Variants in KLHL1 observed in about 807,000 individuals in gnomAD.
The protein encoded by KLHL1 is kelch-like protein 1.
Under a neutral mutation model 77.7 loss-of-function variants are expected in KLHL1, and 47 were observed. The observed-to-expected ratio is 0.60, with a 90% CI of 0.48 to 0.77. KLHL1 has a LOEUF of 0.77. KLHL1 is among the 30% of genes least tolerant of loss of function. KLHL1 has a pLI of 0.00. For missense variants in KLHL1, 925 were observed against 910.8 expected (o/e 1.02, Z -0.20); for synonymous variants, 360 against 325.2 (o/e 1.11, Z -1.15).
intron 5 of KLHL1, among the ~76,000 whole-genome samples, chr13:69,862,197 T>A (rs898996987): frequency 2.0e-5 from 3 of 151,854 alleles, no homozygotes; most frequent in Admixed American, 2.0e-4. Context: ...ACATATATTA[T>A]AATTAGAAGA....
chr13:69,809,842 T>C (rs1448735694), intron 6 of KLHL1, among the ~76,000 whole-genome samples: 1 of 148,614 alleles, frequency 6.7e-6, no homozygotes, highest in Admixed American at 6.7e-5. Context: ...AGGTTCAAAG[T>C]AAAGAGATAA....
At chr13:69,817,577 A>T (rs1015834692) in intron 6 of KLHL1, among the ~76,000 whole-genome samples, 1 of 152,182 alleles carries the variant, frequency 6.6e-6, no homozygotes, top group Admixed American at 6.5e-5. Context: ...GCAAGTCTGT[A>T]TCATAGAAGT....
chr13:69,988,090 G>C (rs967972069), intron 1 of KLHL1, among the ~76,000 whole-genome samples: 101 of 150,586 alleles, frequency 6.7e-4, no homozygotes, highest in African/African-American at 2.3e-3. Context: ...GCTTTTTTTT[G>C]GCGGGGGGAA....
At chr13:69,897,464 T>C (rs768575764) in intron 4 of KLHL1, among the ~76,000 whole-genome samples, 2 of 152,224 alleles carry the variant, frequency 1.3e-5, no homozygotes, top group African/African-American at 2.4e-5. Flanking sequence ...AAAAACTATA[T>C]AGAACACTTA....
intron 2 of KLHL1, 64 bp downstream of exon 2, chr13:69,975,556 G>C (rs1884520276): frequency 7.3e-7 from 1 of 1,365,762 alleles, no homozygotes; most frequent in South Asian, 1.3e-5. Flanking sequence ...TCTGCAATCT[G>C]CATGCCAGTC....
chr13:69,853,791 G>C (rs1373962586), intron 5 of KLHL1, among the ~76,000 whole-genome samples: 1 of 151,834 alleles, frequency 6.6e-6, no homozygotes, highest in Non-Finnish European at 1.5e-5. Context: ...TGTTGTTTTT[G>C]TTTTGTTTCA....
chr13:70,003,453 G>A (rs1051491365), intron 1 of KLHL1, among the ~76,000 whole-genome samples: 1 of 151,656 alleles, frequency 6.6e-6, no homozygotes, highest in African/African-American at 2.4e-5. Flanking sequence ...TGAATCAAAT[G>A]AGGTGTGCAT....
chr13:70,103,151 T>C (rs1328604), intron 1 of KLHL1, among the ~76,000 whole-genome samples: 34,425 of 152,076 alleles, frequency 0.23, 4,311 homozygotes, highest in South Asian at 0.4. Flanking sequence ...CTGTGATGAA[T>C]AGGGATGAAC....
At chr13:69,859,317 A>T (rs1187364230) in intron 5 of KLHL1, among the ~76,000 whole-genome samples, 4 of 148,882 alleles carry the variant, frequency 2.7e-5, no homozygotes, top group Non-Finnish European at 5.9e-5. Flanking sequence ...GAACTACATC[A>T]CTTGACTTCC....
chr13:69,863,514 C>T (rs755724415), intron 5 of KLHL1, among the ~76,000 whole-genome samples: 1 of 151,566 alleles, frequency 6.6e-6, no homozygotes, highest in Non-Finnish European at 1.5e-5. Flanking sequence ...AAAAATTTTG[C>T]ATTTTTCATG....
At chr13:69,843,413 A>G (rs1879341754) in intron 5 of KLHL1, among the ~76,000 whole-genome samples, 1 of 151,742 alleles carries the variant, frequency 6.6e-6, no homozygotes, top group South Asian at 2.1e-4. Context: ...AGATTTAAAT[A>G]TCTTTAAATT....
At chr13:70,073,253 T>C (rs1013025413) in intron 1 of KLHL1, among the ~76,000 whole-genome samples, 1 of 152,118 alleles carries the variant, frequency 6.6e-6, no homozygotes, top group Admixed American at 6.5e-5. Context: ...TTCATGTCCT[T>C]TGTAGGGACA....
chr13:69,939,457 A>G (rs917726712), intron 4 of KLHL1, among the ~76,000 whole-genome samples: 1 of 150,436 alleles, frequency 6.6e-6, no homozygotes, highest in African/African-American at 2.4e-5. Flanking sequence ...ATAAAATCAT[A>G]CTGGCATAGC....
chr13:69,828,351 A>C (rs1157374640), intron 6 of KLHL1, among the ~76,000 whole-genome samples: 1 of 150,316 alleles, frequency 6.7e-6, no homozygotes, highest in African/African-American at 2.5e-5. Context: ...TGAAATATAA[A>C]AATAGAAGAG....
At chr13:69,780,706 A>ATG (rs1876111165) in intron 7 of KLHL1, among the ~76,000 whole-genome samples, 4 of 39,078 alleles carry the variant, frequency 1.0e-4, no homozygotes, top group Non-Finnish European at 1.0e-4. Context: ...ATATATGTAT[A>ATG]TATATATATG....
intron 5 of KLHL1, among the ~76,000 whole-genome samples, chr13:69,877,164 G>A (rs1880801715): frequency 6.6e-6 from 1 of 152,108 alleles, no homozygotes; most frequent in East Asian, 1.9e-4. Context: ...TTGATAATAT[G>A]TAGAATTATA....
intron 6 of KLHL1, among the ~76,000 whole-genome samples, chr13:69,823,259 A>G (rs1356023243): frequency 6.6e-6 from 1 of 152,156 alleles, no homozygotes; most frequent in Non-Finnish European, 1.5e-5. Context: ...TCAGAGAAAT[A>G]GGAAATGTTA....
At chr13:69,985,216 A>C (rs1884828940) in intron 1 of KLHL1, among the ~76,000 whole-genome samples, 1 of 152,090 alleles carries the variant, frequency 6.6e-6, no homozygotes, top group Non-Finnish European at 1.5e-5. Flanking sequence ...ATATTTGCAA[A>C]CTATGCATCT....
chr13:69,995,220 T>C (rs1367174299), intron 1 of KLHL1, among the ~76,000 whole-genome samples: 1 of 152,176 alleles, frequency 6.6e-6, no homozygotes, highest in Non-Finnish European at 1.5e-5. Flanking sequence ...TTATTTACTA[T>C]CTGGTATTTT....
Sources: allele counts gnomAD v4.1 joint callset (sites outside exome capture counted in the v4.1 genomes callset), GRCh38; gene constraint gnomAD v4.1.1; transcripts MANE v1.5; gene names NCBI Gene and HGNC (gene_info 2026-07-23, HGNC 2026-07-21).